NXPE4: variants seen among roughly 807,000 people sequenced by gnomAD.
The protein encoded by NXPE4 is neurexophilin and PC-esterase domain family member 4, also known as NXPE family member 4.
Under a neutral mutation model 33.3 loss-of-function variants are expected in NXPE4, and 42 were observed. The observed-to-expected ratio is 1.26, with a 90% CI of 0.98 to 1.63. NXPE4 has a LOEUF of 1.63. Among genes scored for constraint, NXPE4 ranks in the 40% most tolerant of loss-of-function variants. The pLI is 0.00. For missense variants in NXPE4, 709 were observed against 647.6 expected (o/e 1.09, Z -1.03); for synonymous variants, 253 against 234.9 (o/e 1.08, Z -0.71).
At chr11:114,644,846 AG>A in the NXPE4 span, among the ~76,000 whole-genome samples, 1 of 152,114 alleles carries the variant, frequency 6.6e-6, no homozygotes, top group African/African-American at 2.4e-5. Flanking sequence ...ACTGTAATTA[AG>A]ACAGTGTAGC....
the NXPE4 span, among the ~76,000 whole-genome samples, chr11:114,620,395 T>C: frequency 6.6e-6 from 1 of 152,034 alleles, no homozygotes. Context: ...GTAACCACTG[T>C]TACCCATTGG....
chr11:114,614,975 C>T, the NXPE4 span, among the ~76,000 whole-genome samples: 139 of 151,600 alleles, frequency 9.2e-4, no homozygotes, highest in African/African-American at 3.3e-3. Context: ...AGTATTGCCT[C>T]GTGAGTAACC....
the NXPE4 span, among the ~76,000 whole-genome samples, chr11:114,632,886 T>A: frequency 2.4e-4 from 9 of 38,242 alleles, no homozygotes; most frequent in Admixed American, 1.0e-3. Flanking sequence ...AATTATATAT[T>A]ATATAATTTT....
the NXPE4 span, among the ~76,000 whole-genome samples, chr11:114,607,162 G>A: frequency 6.6e-6 from 1 of 151,794 alleles, no homozygotes; most frequent in East Asian, 1.9e-4. Context: ...ATTACCCACT[G>A]GATAATCAGT....
chr11:114,611,735 A>G, the NXPE4 span, among the ~76,000 whole-genome samples: 1 of 151,438 alleles, frequency 6.6e-6, no homozygotes, highest in South Asian at 2.1e-4. Flanking sequence ...CACCATTGTT[A>G]GCCAGTTGAT....
At chr11:114,578,096 C>A (rs1949057021) in intron 5 of NXPE4, among the ~76,000 whole-genome samples, 1 of 152,116 alleles carries the variant, frequency 6.6e-6, no homozygotes, top group South Asian at 2.1e-4. Flanking sequence ...GTAGTTAGAA[C>A]TTTTGAGGAA....
chr11:114,626,881 T>G, the NXPE4 span, among the ~76,000 whole-genome samples: 1 of 151,846 alleles, frequency 6.6e-6, no homozygotes, highest in Non-Finnish European at 1.5e-5. Flanking sequence ...TGCAGAAGCC[T>G]CAGGAGCTGA....
chr11:114,634,501 C>A, the NXPE4 span, among the ~76,000 whole-genome samples: 2 of 152,012 alleles, frequency 1.3e-5, no homozygotes, highest in African/African-American at 2.4e-5. Context: ...GCTTTTGTTG[C>A]TATTGCTTTT....
At chr11:114,629,235 C>T in the NXPE4 span, among the ~76,000 whole-genome samples, 1 of 151,980 alleles carries the variant, frequency 6.6e-6, no homozygotes, top group South Asian at 2.1e-4. Context: ...AATTTTAGAC[C>T]AATATCCTTG....
the NXPE4 span, among the ~76,000 whole-genome samples, chr11:114,603,418 T>A: frequency 1.0e-3 from 152 of 151,400 alleles, 1 homozygote; most frequent in Admixed American, 8.2e-3. Flanking sequence ...TGGTGGATGA[T>A]AAGTATTGCC....
At chr11:114,660,870 C>T in the NXPE4 span, among the ~76,000 whole-genome samples, 108 of 152,094 alleles carry the variant, frequency 7.1e-4, no homozygotes, top group African/African-American at 2.5e-3. Context: ...TAAAATCTAC[C>T]AGAACTATTT....
chr11:114,606,696 C>T, the NXPE4 span, among the ~76,000 whole-genome samples: 16 of 151,982 alleles, frequency 1.1e-4, no homozygotes, highest in South Asian at 4.1e-4. Context: ...CACTGTTACC[C>T]GGAGGGTAAT....
the NXPE4 span, among the ~76,000 whole-genome samples, chr11:114,636,309 AT>A: frequency 6.6e-6 from 1 of 151,746 alleles, no homozygotes. Context: ...CGGTGGTGAT[AT>A]CCCCTTTATC....
the NXPE4 span, among the ~76,000 whole-genome samples, chr11:114,642,716 A>G: frequency 2.0e-5 from 3 of 152,180 alleles, no homozygotes; most frequent in African/African-American, 2.4e-5. Context: ...TAGTACTGCA[A>G]TATACATATG....
chr11:114,642,478 G>A, the NXPE4 span, among the ~76,000 whole-genome samples: 1 of 151,786 alleles, frequency 6.6e-6, no homozygotes, highest in African/African-American at 2.4e-5. Context: ...CTGTGTCCAT[G>A]TGTTCTCATT....
At chr11:114,661,370 T>G in the NXPE4 span, among the ~76,000 whole-genome samples, 1 of 152,168 alleles carries the variant, frequency 6.6e-6, no homozygotes, top group African/African-American at 2.4e-5. Context: ...GACAGAACAC[T>G]TGTACCACAA....
chr11:114,594,965 T>A (rs1430433805), intron 1 of NXPE4, among the ~76,000 whole-genome samples, 196 bp from the exon 2 acceptor site: 2 of 152,134 alleles, frequency 1.3e-5, no homozygotes, highest in African/African-American at 4.8e-5. Context: ...TATCTGCTTG[T>A]ACATTCTACA....
chr11:114,654,890 C>T, the NXPE4 span, among the ~76,000 whole-genome samples: 4 of 152,142 alleles, frequency 2.6e-5, no homozygotes, highest in South Asian at 4.1e-4. Context: ...CTTGAGGAAT[C>T]GCTATACTGT....
the NXPE4 span, among the ~76,000 whole-genome samples, chr11:114,634,591 T>G: frequency 1.2e-4 from 18 of 152,162 alleles, no homozygotes; most frequent in Non-Finnish European, 2.2e-4. Flanking sequence ...GTTTTTATGG[T>G]TTTAGGTCTA....
Sources: allele counts gnomAD v4.1 joint callset (sites outside exome capture counted in the v4.1 genomes callset), GRCh38; gene constraint gnomAD v4.1.1; transcripts MANE v1.5; gene names NCBI Gene and HGNC (gene_info 2026-07-23, HGNC 2026-07-21).